NPAS3: variants seen among roughly 807,000 people sequenced by gnomAD.
NPAS3 encodes neuronal PAS domain-containing protein 3.
NPAS3 carries 14 observed loss-of-function variants against 73.1 expected under a neutral mutation model. That is an observed-to-expected ratio of 0.19 (90% CI 0.13 to 0.30). The LOEUF (loss-of-function observed/expected upper bound fraction) is 0.30. NPAS3 is among the 10% of genes least tolerant of loss of function. The pLI is 1.00. For missense variants in NPAS3, 1,096 were observed against 1,250.0 expected, an observed-to-expected ratio of 0.88 and a Z score of 1.86; for synonymous variants, 620 against 541.5, an observed-to-expected ratio of 1.14 and a Z score of -2.01.
chr14:33,733,098 A>T (rs957838409), intron 6 of NPAS3, among the ~76,000 whole-genome samples: 2 of 152,112 alleles, frequency 1.3e-5, no homozygotes, highest in African/African-American at 2.4e-5. Context: ...TTCCTCATCA[A>T]TTGCAAACAT....
At chr14:33,636,063 G>A (rs2058506336) in intron 5 of NPAS3, among the ~76,000 whole-genome samples, 1 of 152,200 alleles carries the variant, frequency 6.6e-6, no homozygotes, top group African/African-American at 2.4e-5. Flanking sequence ...TGGGATTACA[G>A]GCATGCACCA....
chr14:33,407,842 A>G (rs2047735885), intron 4 of NPAS3, among the ~76,000 whole-genome samples: 1 of 152,104 alleles, frequency 6.6e-6, no homozygotes, highest in Non-Finnish European at 1.5e-5. Flanking sequence ...ACACTTTACC[A>G]TGTTTTTTTT....
chr14:33,772,720 A>G (rs2062694008), intron 7 of NPAS3, among the ~76,000 whole-genome samples: 1 of 152,146 alleles, frequency 6.6e-6, no homozygotes, highest in African/African-American at 2.4e-5. Context: ...CTATTTCTCT[A>G]TTAGTTAATG....
intron 2 of NPAS3, among the ~76,000 whole-genome samples, chr14:33,141,917 C>T (rs565761066): frequency 7.9e-5 from 12 of 152,272 alleles, no homozygotes; most frequent in Admixed American, 3.3e-4. Context: ...TTCGCCACAC[C>T]TTTGTCAACA....
At chr14:33,215,413 C>T in exon 3 of NPAS3, 4 of 1,613,928 alleles carry the variant, frequency 2.5e-6, no homozygotes, top group Non-Finnish European at 3.4e-6. Context: ...CTCCACCTAA[C>T]ACATCAGTAA....
chr14:33,115,364 C>T (rs1036560805), intron 2 of NPAS3, among the ~76,000 whole-genome samples: 6 of 152,180 alleles, frequency 3.9e-5, no homozygotes, highest in East Asian at 1.9e-4. Context: ...GAGGTTTGTC[C>T]GTGGAGAAAG....
chr14:32,938,479 GAGAAAT>G, upstream of NPAS3, among the ~76,000 whole-genome samples: 4 of 97,182 alleles, frequency 4.1e-5, no homozygotes, highest in Non-Finnish European at 6.7e-5. Flanking sequence ...GAGAGAGAGA[GAGAAAT>G]TGAGAGAGAG....
chr14:33,394,866 A>C (rs1426663945), intron 4 of NPAS3, among the ~76,000 whole-genome samples: 1 of 152,168 alleles, frequency 6.6e-6, no homozygotes, highest in African/African-American at 2.4e-5. Flanking sequence ...TGCTTAACAT[A>C]TATTCCAAAG....
intron 3 of NPAS3, among the ~76,000 whole-genome samples, chr14:33,319,457 A>G (rs2043344802): frequency 6.6e-6 from 1 of 152,144 alleles, no homozygotes; most frequent in Non-Finnish European, 1.5e-5. Context: ...TATAATGGCG[A>G]GTAAGAGACA....
At chr14:33,674,308 T>A (rs2059694107) in intron 5 of NPAS3, among the ~76,000 whole-genome samples, 1 of 152,184 alleles carries the variant, frequency 6.6e-6, no homozygotes, top group African/African-American at 2.4e-5. Context: ...ATTGAAGTAT[T>A]AAAGGAAAAA....
intron 4 of NPAS3, among the ~76,000 whole-genome samples, chr14:33,527,618 T>C (rs2053859741): frequency 6.6e-6 from 1 of 152,170 alleles, no homozygotes; most frequent in Admixed American, 6.6e-5. Context: ...AATAAATGCA[T>C]GGTCACATCT....
intron 3 of NPAS3, among the ~76,000 whole-genome samples, chr14:33,243,536 G>A (rs2048278009): frequency 1.3e-5 from 2 of 152,014 alleles, no homozygotes; most frequent in South Asian, 4.2e-4. Flanking sequence ...TACTGCTGCT[G>A]CTGGGGGGAA....
chr14:33,636,564 A>G (rs968511249), intron 5 of NPAS3, among the ~76,000 whole-genome samples: 1 of 152,192 alleles, frequency 6.6e-6, no homozygotes, highest in Non-Finnish European at 1.5e-5. Flanking sequence ...CTTACGTGGT[A>G]TGTGGCAGCA....
intron 1 of NPAS3, among the ~76,000 whole-genome samples, chr14:32,972,760 A>G (rs75585854): frequency 0.095 from 14,423 of 152,292 alleles, 916 homozygotes; most frequent in Middle Eastern, 0.16. Context: ...ACATTTTGTT[A>G]GAAGAGTCAT....
At chr14:33,590,839 G>A (rs1013513383) in intron 5 of NPAS3, among the ~76,000 whole-genome samples, 6 of 152,070 alleles carry the variant, frequency 3.9e-5, no homozygotes, top group East Asian at 3.9e-4. Flanking sequence ...CATTGCTTTC[G>A]CTCATTCATT....
At chr14:33,601,997 G>A (rs554033719) in intron 5 of NPAS3, among the ~76,000 whole-genome samples, 35 of 152,320 alleles carry the variant, frequency 2.3e-4, no homozygotes, top group African/African-American at 7.5e-4. Context: ...GGAAACAAAA[G>A]TGAGTCCTAC....
chr14:33,354,529 T>A (rs1244224156), intron 3 of NPAS3, among the ~76,000 whole-genome samples: 2 of 152,284 alleles, frequency 1.3e-5, no homozygotes, highest in East Asian at 3.9e-4. Flanking sequence ...TGTCCTCCCA[T>A]GGCTTCTAAT....
chr14:33,694,558 C>G (rs946074994), intron 6 of NPAS3, among the ~76,000 whole-genome samples: 10 of 152,108 alleles, frequency 6.6e-5, no homozygotes, highest in Admixed American at 2.0e-4. Context: ...TGTCAAAGAT[C>G]TGCTGTAACT....
At chr14:33,673,348 A>G (rs778477936) in intron 5 of NPAS3, among the ~76,000 whole-genome samples, 1 of 152,208 alleles carries the variant, frequency 6.6e-6, no homozygotes, top group Non-Finnish European at 1.5e-5. Context: ...TACCAGTTCA[A>G]AAGATTGTTA....
Sources: gnomAD v4.1 joint callset for allele counts (sites outside exome capture counted in the v4.1 genomes callset) on GRCh38, gnomAD v4.1.1 for gene constraint, MANE v1.5 for transcripts, NCBI Gene and HGNC (gene_info 2026-07-23, HGNC 2026-07-21) for gene names.